Variants in HHLA2 observed in about 807,000 individuals in gnomAD.
HHLA2 encodes HERV-H LTR-associating protein 2.
HHLA2 carries 48 observed loss-of-function variants against 45.9 expected under a neutral mutation model. The ratio of observed to expected loss-of-function variants is 1.05; its 90% confidence interval spans 0.83 to 1.33. The LOEUF (loss-of-function observed/expected upper bound fraction) is 1.33. Among genes scored for constraint, HHLA2 ranks in the 40% most tolerant of loss-of-function variants. The pLI is 0.00. For missense variants in HHLA2, 462 were observed against 494.3 expected (o/e 0.93, Z 0.62); for synonymous variants, 161 against 173.9 (o/e 0.93, Z 0.59).
intron 1 of HHLA2, among the ~76,000 whole-genome samples, chr3:108,305,696 C>A (rs1447597309): frequency 6.6e-6 from 1 of 152,112 alleles, no homozygotes; most frequent in East Asian, 1.9e-4. Context: ...AGGCTTGGCA[C>A]TCTCAGGGCA....
At chr3:108,375,609 G>A in intron 8 of HHLA2, 141 bp from the exon 8 acceptor site, 1 of 968,596 alleles carries the variant, frequency 1.0e-6, no homozygotes, top group South Asian at 2.2e-5. Flanking sequence ...AGAAATGAAG[G>A]AGATAGACAC....
chr3:108,334,938 C>T (rs1476160195), intron 3 of HHLA2, among the ~76,000 whole-genome samples: 1 of 152,148 alleles, frequency 6.6e-6, no homozygotes, highest in Non-Finnish European at 1.5e-5. Context: ...TGGTGATTCT[C>T]ACTGCAACTG....
At position 108,318,907 on chromosome 3, in the gene HHLA2, A is replaced by G. The variant is rs552874678; in HGVS notation, c.-105+8166A>G. Among the ~76,000 whole-genome samples, 6 of 152,302 alleles carry G rather than the reference A, an allele frequency of 3.9e-5. No individual in the cohort carries two copies. In the East Asian group the frequency reaches 7.7e-4, roughly 20 times the overall value. ...TGTCTCTTTGTCAACATTGGTTATG[A>G]CATCTCATTTCTTTCATTTTGTAGC... On this transcript the variant is annotated intron_variant, in intron 2 of 10. Transcript: ENST00000619531.
chr3:108,329,946 G>T (rs1019086133), intron 3 of HHLA2, among the ~76,000 whole-genome samples: 2 of 152,152 alleles, frequency 1.3e-5, no homozygotes, highest in South Asian at 4.2e-4. Flanking sequence ...CTGACTCAGG[G>T]TCTTTAATGG....
rs756502139 is a variant in HHLA2 at position 108,376,569 on chromosome 3, T to C, written c.1224+12T>C. The C allele has an allele frequency of 9.3e-6, 15 of 1,609,854 alleles. No individual in the cohort carries two copies. The highest frequency in any genetic ancestry group is 1.3e-5 in the Non-Finnish European group (15 of 1,177,058). The stretch of plus-strand genomic sequence containing the variant: ...GCGAAGAAAATGTGGTAAGGCATTA[T>C]TTCCTTTATCAAACCATATACAGTA... On this transcript the variant is annotated intron_variant, in intron 10 of 10. Coordinates refer to ENST00000619531, the Ensembl canonical transcript of HHLA2.
chr3:108,364,954 C>T (rs1490033832), intron 8 of HHLA2, among the ~76,000 whole-genome samples: 1 of 152,178 alleles, frequency 6.6e-6, no homozygotes, highest in Admixed American at 6.5e-5. Context: ...GTTGCCTGCT[C>T]ACTCTGATGA....
intron 3 of HHLA2, among the ~76,000 whole-genome samples, chr3:108,330,571 C>T (rs2081368590): frequency 6.6e-6 from 1 of 152,290 alleles, no homozygotes. Context: ...GACTCAAAGA[C>T]TTAAAGCAGT....
intron 3 of HHLA2, among the ~76,000 whole-genome samples, chr3:108,332,506 T>A (rs2081403101): frequency 6.6e-6 from 1 of 152,218 alleles, no homozygotes; most frequent in South Asian, 2.1e-4. Context: ...GTTCATACAA[T>A]TATTACTTCT....
At chr3:108,334,515 T>C (rs953597508) in intron 3 of HHLA2, among the ~76,000 whole-genome samples, 3 of 152,298 alleles carry the variant, frequency 2.0e-5, no homozygotes, top group Admixed American at 6.5e-5. Context: ...CCTATTGTAA[T>C]AGACTTTTTG....
chr3:108,336,889 C>T (rs1312119195), intron 3 of HHLA2, among the ~76,000 whole-genome samples: 1 of 151,914 alleles, frequency 6.6e-6, no homozygotes, highest in Non-Finnish European at 1.5e-5. Context: ...GTTCTGGGTT[C>T]TGGCTTGGGG....
intron 2 of HHLA2, among the ~76,000 whole-genome samples, chr3:108,322,661 C>T (rs892538148): frequency 9.2e-5 from 14 of 152,152 alleles, no homozygotes; most frequent in African/African-American, 3.4e-4. Flanking sequence ...GCTTTCGAAA[C>T]GTTCTCAAGC....
At position 108,353,365 on chromosome 3, in the gene HHLA2, T is replaced by C. The variant is rs1374340500; in HGVS notation, c.65-62T>C. On this transcript the variant is annotated intron_variant, in intron 4 of 10. Coordinates refer to ENST00000619531, the Ensembl canonical transcript of HHLA2. ...GGATAGTTCTTCTGGGTAGTTCTGG[T>C]ATAATCCTGAACAAGCACATGGCAT... The C allele has an allele frequency of 6.5e-6, 7 of 1,074,416 alleles. No homozygotes were observed. The East Asian group carries it at 1.8e-4, about 28-fold the overall frequency. 66.6% of individuals were successfully genotyped at this position (1,074,416 alleles called of 1,614,324 possible).
At position 108,351,767 on chromosome 3, in the gene HHLA2, CACTTT is replaced by C; in HGVS notation, c.-26-16_-26-12del. On this transcript the variant is annotated splice_polypyrimidine_tract_variant and intron_variant, in intron 3 of 10. Coordinates refer to ENST00000619531, the Ensembl canonical transcript of HHLA2. ...TTGCATTTTAAATCCATAACATGTG[CACTTT>C]ACTTCTCTTTGATAGCATGACTAAT... is the stretch of plus-strand genomic sequence containing the variant. 6.6e-7 allele frequency: 1 copy of C among 1,504,890 alleles called. No homozygotes were observed. 93.2% of individuals were successfully genotyped at this position (1,504,890 alleles called of 1,614,324 possible).
intron 1 of HHLA2, among the ~76,000 whole-genome samples, chr3:108,308,928 G>C (rs991115429): frequency 6.6e-6 from 1 of 152,174 alleles, no homozygotes; most frequent in Non-Finnish European, 1.5e-5. Flanking sequence ...CAGAGGGGTA[G>C]TTTGCAAATA....
chr3:108,352,757 T>C (rs1264145954), intron 4 of HHLA2, among the ~76,000 whole-genome samples: 1 of 152,214 alleles, frequency 6.6e-6, no homozygotes, highest in African/African-American at 2.4e-5. Flanking sequence ...ATCAAGAGAA[T>C]TGGGGATTAG....
At position 108,378,208 on chromosome 3, in the gene HHLA2, T is replaced by G. The variant is rs776221752; in HGVS notation, c.*930T>G. On this transcript the variant is annotated 3_prime_UTR_variant, in exon 11 of 11. Coordinates refer to ENST00000619531, the Ensembl canonical transcript of HHLA2. ...ACCTATAAGAACTAATGATAATCCA[T>G]CACCCTTCGCTGACTCTCTTTTCGG... 3.9e-5 allele frequency: 6 copies of G among 152,236 alleles called. No individual in the cohort carries two copies. The East Asian group carries it at 9.6e-4, about 24-fold the overall frequency. The allele number at this position is 152,236 out of a possible 1,614,324, so 9.4% of individuals were successfully genotyped here. A position where few individuals can be genotyped will look rare whatever the true frequency, so the allele number is the denominator to read the frequency against.
chr3:108,339,318 A>G (rs1431148912), intron 3 of HHLA2, among the ~76,000 whole-genome samples: 1 of 152,170 alleles, frequency 6.6e-6, no homozygotes, highest in East Asian at 1.9e-4. Flanking sequence ...TTCTCAGGGG[A>G]ATCACCCTGG....
rs117782573 is a variant in HHLA2, at chr3:108,335,937, T to C, written c.-27+7590T>C. Among the ~76,000 whole-genome samples the C allele has an allele frequency of 1.2e-4, 19 of 152,052 alleles. No individual in the cohort carries two copies. The East Asian group carries it at 3.5e-3, about 28-fold the overall frequency. ...AGCCCACATCTCTGATATGGCATCA[T>C]ACCTAGTAAACACAGTGAACTCCTT... On this transcript the variant is annotated intron_variant, in intron 3 of 10. Transcript: ENST00000619531.
At chr3:108,336,502 A>G (rs376272712) in intron 3 of HHLA2, among the ~76,000 whole-genome samples, 12 of 152,266 alleles carry the variant, frequency 7.9e-5, no homozygotes, top group African/African-American at 2.6e-4. Context: ...ATCATGTAAT[A>G]TATACTGTGA....
Sources: allele counts gnomAD v4.1 joint callset (sites outside exome capture counted in the v4.1 genomes callset), GRCh38; gene constraint gnomAD v4.1.1; transcripts MANE v1.5; gene names NCBI Gene and HGNC (gene_info 2026-07-23, HGNC 2026-07-21).